FAM178B: variants seen among roughly 807,000 people sequenced by gnomAD.
FAM178B encodes protein FAM178B.
In FAM178B, 82 loss-of-function variants were observed where a neutral mutation model predicts 91.7. That is an observed-to-expected ratio of 0.89 (90% CI 0.75 to 1.07). FAM178B has a LOEUF of 1.07. FAM178B is among the 50% of genes least tolerant of loss of function. The pLI is 0.00. For synonymous variants in FAM178B, 368 were observed against 359.4 expected (o/e 1.02, Z -0.27); for missense variants, 769 against 846.7 (o/e 0.91, Z 1.14).
intron 15 of FAM178B, 83 bp downstream of exon 15, chr2:96,878,333 G>A (rs1409325808): frequency 1.2e-5 from 16 of 1,309,790 alleles, no homozygotes; most frequent in Middle Eastern, 2.1e-4. Context: ...TGGGCTGGGC[G>A]CCATCCCAGC....
At chr2:96,981,751 A>AG (rs1553511883) in intron 1 of FAM178B, among the ~76,000 whole-genome samples, 15 of 130,310 alleles carry the variant, frequency 1.2e-4, no homozygotes, top group East Asian at 2.1e-4. Context: ...AAAAAAAAAA[A>AG]AAAAAAAAAA....
At chr2:96,938,359 T>C (rs2081667250) in intron 8 of FAM178B, among the ~76,000 whole-genome samples, 1 of 152,174 alleles carries the variant, frequency 6.6e-6, no homozygotes, top group Non-Finnish European at 1.5e-5. Flanking sequence ...TGGTGGAATG[T>C]AGTGGTGGGG....
chr2:96,893,814 T>C, intron 14 of FAM178B, 112 bp downstream of exon 14: 17 of 1,332,586 alleles, frequency 1.3e-5, no homozygotes, highest in Non-Finnish European at 1.6e-5. Flanking sequence ...GGCATGGCCC[T>C]GGGGTTCTGG....
chr2:96,926,389 G>A (rs948812070), intron 9 of FAM178B, among the ~76,000 whole-genome samples: 1 of 152,226 alleles, frequency 6.6e-6, no homozygotes, highest in African/African-American at 2.4e-5. Context: ...GGCCAGGCCT[G>A]CGCATCAGAG....
At position 96,902,110 on chromosome 2, in the gene FAM178B, T is replaced by G. The variant is rs1425506623; in HGVS notation, c.1650+510A>C. Among the ~76,000 whole-genome samples the G allele has an allele frequency of 3.5e-5, 3 of 85,346 alleles. No homozygotes were observed. In the African/African-American group the frequency reaches 5.2e-4, roughly 15 times the overall value. 56.0% of individuals were successfully genotyped at this position (85,346 alleles called of 152,430 possible). ...CTACCACACCCAGCTTTTACTACAA[T>G]TTTTTTTTTTTTTGAGATGGAGTCT... On this transcript the variant is annotated intron_variant, in intron 13 of 16. Transcript: ENST00000490605.
chr2:96,923,787 G>A (rs764574448), intron 9 of FAM178B, among the ~76,000 whole-genome samples: 11 of 152,290 alleles, frequency 7.2e-5, no homozygotes, highest in Non-Finnish European at 1.2e-4. Context: ...GGGGTCTCTC[G>A]GATGTTGCCC....
intron 14 of FAM178B, among the ~76,000 whole-genome samples, chr2:96,887,314 C>T (rs2080551119): frequency 6.6e-6 from 1 of 152,196 alleles, no homozygotes; most frequent in Non-Finnish European, 1.5e-5. Context: ...GATGATCCTC[C>T]TGCCTCAACC....
chr2:96,909,480 C>A (rs1411136403), intron 12 of FAM178B, among the ~76,000 whole-genome samples: 1 of 152,188 alleles, frequency 6.6e-6, no homozygotes, highest in African/African-American at 2.4e-5. Context: ...CCCCTTCCTG[C>A]AGGTGCCACA....
chr2:96,898,198 A>G, intron 13 of FAM178B: 1 of 858,652 alleles, frequency 1.2e-6, no homozygotes, highest in Non-Finnish European at 1.4e-6. Flanking sequence ...GAGGAAAGGG[A>G]GGGACGGCCC....
chr2:96,927,487 C>G (rs2081462283), intron 9 of FAM178B, among the ~76,000 whole-genome samples: 1 of 152,164 alleles, frequency 6.6e-6, no homozygotes, highest in South Asian at 2.1e-4. Context: ...GACATGAGGC[C>G]CTGGCAGCTC....
intron 7 of FAM178B, chr2:96,949,859 C>G: frequency 2.2e-6 from 1 of 447,226 alleles, no homozygotes; most frequent in Non-Finnish European, 3.0e-6. Flanking sequence ...CACGGATGTC[C>G]CACTTAACTC....
chr2:96,974,164 T>C (rs902953436), intron 1 of FAM178B, among the ~76,000 whole-genome samples: 19 of 151,490 alleles, frequency 1.3e-4, no homozygotes, highest in African/African-American at 3.4e-4. Flanking sequence ...GGGCGGATCA[T>C]GAGGTCAGGA....
chr2:96,889,223 T>C (rs1165994252), intron 14 of FAM178B, among the ~76,000 whole-genome samples: 1 of 152,198 alleles, frequency 6.6e-6, no homozygotes, highest in African/African-American at 2.4e-5. Flanking sequence ...TCCCCCTTTG[T>C]GGTCCTTAGT....
chr2:96,923,819 C>T (rs548907654), intron 9 of FAM178B, among the ~76,000 whole-genome samples: 7 of 152,168 alleles, frequency 4.6e-5, no homozygotes, highest in Admixed American at 6.5e-5. Context: ...GGTGGGGCTG[C>T]GGTCACCTGA....
intron 14 of FAM178B, among the ~76,000 whole-genome samples, chr2:96,891,883 C>T (rs917733683): frequency 2.0e-5 from 3 of 152,216 alleles, no homozygotes; most frequent in African/African-American, 7.2e-5. Context: ...AGCCCCAACG[C>T]TGGGAAAGTA....
At position 96,921,597 on chromosome 2, in the gene FAM178B, CCATGAGGTTCT is replaced by C. The variant is rs1428541635; in HGVS notation, c.1334_1344del (p.Glu445GlyfsTer4). On this transcript the variant is annotated frameshift_variant, in exon 11 of 17. Coordinates refer to ENST00000490605, the MANE Select transcript of FAM178B (RefSeq NM_001122646.3). LOFTEE classifies it high-confidence loss of function. ...GTGCGGCACAGCAGCTCAATCAGTC[CCATGAGGTTCT>C]CATCAGTGTAGGCCCCCGGCTGGGC... 10 of 1,551,554 alleles carry C rather than the reference CCATGAGGTTCT, an allele frequency of 6.4e-6. No individual in the cohort carries two copies. Among genetic ancestry groups the C allele is most frequent in the Middle Eastern group, 3.3e-4 (2 of 5,996 alleles).
chr2:96,950,096 G>A, intron 7 of FAM178B: 2 of 985,540 alleles, frequency 2.0e-6, no homozygotes, highest in Non-Finnish European at 2.4e-6. Flanking sequence ...GGGGGTCTCT[G>A]AACCTGGAAG....
rs534756837 is a variant in FAM178B, at chr2:96,899,810, A to T, written c.1650+2810T>A. Among the ~76,000 whole-genome samples, 4 of 148,820 alleles carry T rather than the reference A, an allele frequency of 2.7e-5. No homozygotes were observed. The East Asian group carries it at 8.0e-4, about 30-fold the overall frequency. On this transcript the variant is annotated intron_variant, in intron 13 of 16. Coordinates refer to ENST00000490605, the MANE Select transcript of FAM178B (RefSeq NM_001122646.3). ...CTCAGCCTCTCAAAGTGCTGAGATT[A>T]CAGGCCAGAGACACTGCCTCCCGCG...
intron 5 of FAM178B, among the ~76,000 whole-genome samples, chr2:96,961,613 C>G (rs544405048): frequency 6.6e-6 from 1 of 152,198 alleles, no homozygotes; most frequent in Non-Finnish European, 1.5e-5. Context: ...AATCAGGAGA[C>G]GGCCCATTCC....
Sources: allele counts gnomAD v4.1 joint callset (sites outside exome capture counted in the v4.1 genomes callset), GRCh38; gene constraint gnomAD v4.1.1; transcripts MANE v1.5; gene names NCBI Gene and HGNC (gene_info 2026-07-23, HGNC 2026-07-21).